The following IL12A variants were observed in gnomAD, a reference collection of about 807,000 sequenced individuals.
The protein encoded by IL12A is interleukin-12 subunit alpha.
IL12A carries 16 observed loss-of-function variants against 23.5 expected under a neutral mutation model. That is an observed-to-expected ratio of 0.68 (90% confidence interval 0.46 to 1.03). The LOEUF is 1.03. Ranked by LOEUF, IL12A falls within the 50% of genes least tolerant of loss-of-function variation. The probability of loss-of-function intolerance (pLI) is 0.00; values close to 1 mark genes in which losing one functional copy is unlikely to be tolerated. For missense variants in IL12A, 275 were observed against 307.0 expected, an observed-to-expected ratio of 0.90 and a Z score of 0.78; for synonymous variants, 106 against 111.5, an observed-to-expected ratio of 0.95 and a Z score of 0.31.
At chr3:159,992,604 A>T (rs1158969463) in intron 2 of IL12A, among the ~76,000 whole-genome samples, 1 of 152,190 alleles carries the variant, frequency 6.6e-6, no homozygotes, top group Non-Finnish European at 1.5e-5. Flanking sequence ...TATCCATCAG[A>T]CTGTGACCTT....
Position 159,993,462 on chromosome 3 carries a change from C to T in IL12A, c.390C>T (p.Cys130=), listed in dbSNP as rs139950534. ...TTTTTTCCCTCTAGAATGAGAGTTG[C>T]CTAAATTCCAGAGAGACCTCTTTCA... Residue 130 remains cysteine, a synonymous_variant, in exon 4 of 7, where the codon TGC becomes TGT. Coordinates refer to ENST00000305579, the MANE Select transcript of IL12A (RefSeq NM_000882.4). The T allele has an allele frequency of 3.7e-6, 6 of 1,611,716 alleles. No homozygotes were observed. The highest frequency in any genetic ancestry group is 1.3e-5 in the African/African-American group (1 of 74,814).
In IL12A at chr3:159,989,345, T is replaced by C. The variant is rs1275640747; in HGVS notation, c.118+171T>C. On this transcript the variant is annotated intron_variant, in intron 1 of 6. Coordinates refer to ENST00000305579, the MANE Select transcript of IL12A (RefSeq NM_000882.4). Reference sequence around the variant, plus strand: ...CTCACCGTGTGCTAAATAGGGCATGTCTCTTTTCATCTCGAAACAGCCTGA... The same window carrying C: ...CTCACCGTGTGCTAAATAGGGCATGCCTCTTTTCATCTCGAAACAGCCTGA... 6.7e-6 allele frequency: 4 copies of C among 600,408 alleles called. No homozygotes were observed. The Admixed American group carries it at 1.2e-4, about 19-fold the overall frequency. The allele number at this position is 600,408 out of a possible 1,614,324, so 37.2% of individuals were successfully genotyped here. A position where few individuals can be genotyped will look rare whatever the true frequency, so the allele number is the denominator to read the frequency against.
In IL12A at chr3:159,989,134, T is replaced by G. The variant is rs144529637; in HGVS notation, c.78T>G (p.Pro26=). The G allele has an allele frequency of 3.3e-4, 532 of 1,611,856 alleles. 1 individual carries two copies. The highest frequency in any genetic ancestry group is 4.1e-4 in the Non-Finnish European group (482 of 1,179,552). ...CAGGTCTGCATCCAGCGGCTCGCCC[T>G]GTGTCCCTGCAGTGCCGGCTCAGCA... Residue 26 remains proline, a synonymous_variant, in exon 1 of 7, where the codon CCT becomes CCG. Transcript: ENST00000305579.
Position 159,993,589 on chromosome 3 carries a change from A to C in IL12A, c.442A>C (p.Arg148=). The C allele has an allele frequency of 8.7e-6, 14 of 1,614,174 alleles. No individual in the cohort carries two copies. The highest frequency in any genetic ancestry group is 1.2e-5 in the Non-Finnish European group (14 of 1,180,012). ...CTAGAATGGGAGTTGCCTGGCCTCC[A>C]GAAAGACCTCTTTTATGATGGTAAG... is the stretch of plus-strand genomic sequence containing the variant. Residue 148 remains arginine, a synonymous_variant, in exon 5 of 7, where the codon AGA becomes CGA. Coordinates refer to ENST00000305579, the MANE Select transcript of IL12A (RefSeq NM_000882.4).
intron 6 of IL12A, 149 bp from the exon 7 acceptor site, chr3:159,995,255 G>A: frequency 2.1e-6 from 1 of 482,084 alleles, no homozygotes; most frequent in East Asian, 3.3e-5. Context: ...CTGGTGATCT[G>A]GCTGAGAGTA....
At chr3:159,991,303 T>C (rs1299034988) in intron 2 of IL12A, among the ~76,000 whole-genome samples, 1 of 152,254 alleles carries the variant, frequency 6.6e-6, no homozygotes, top group Non-Finnish European at 1.5e-5. Context: ...TAATGTTTTG[T>C]ACATCATTTG....
chr3:159,993,274 A>ATT, intron 3 of IL12A, 149 bp downstream of exon 3: 1 of 730,046 alleles, frequency 1.4e-6, no homozygotes, highest in Non-Finnish European at 2.2e-6. Context: ...GAGAAAAATT[A>ATT]TTTTTAAAAA....
intron 2 of IL12A, among the ~76,000 whole-genome samples, chr3:159,991,627 T>A (rs1412591259): frequency 6.6e-6 from 1 of 152,210 alleles, no homozygotes; most frequent in Non-Finnish European, 1.5e-5. Context: ...GTAGTGGGTT[T>A]AAATGACACA....
At chr3:159,993,984 G>A (rs1215682331) in intron 6 of IL12A, 140 bp downstream of exon 6, 11 of 808,346 alleles carry the variant, frequency 1.4e-5, no homozygotes, top group Non-Finnish European at 2.0e-5. Context: ...AGACAGCCTT[G>A]AGGGTGCCGT....
Position 159,989,250 on chromosome 3 carries a change from C to T in IL12A, c.118+76C>T. 4 of 1,142,386 alleles carry T rather than the reference C, an allele frequency of 3.5e-6. No individual in the cohort carries two copies. In the South Asian group the frequency reaches 5.1e-5, roughly 15 times the overall value. 70.8% of individuals were successfully genotyped at this position (1,142,386 alleles called of 1,614,324 possible). A position where few individuals can be genotyped will look rare whatever the true frequency, so the allele number is the denominator to read the frequency against. On this transcript the variant is annotated intron_variant, in intron 1 of 6. Coordinates refer to ENST00000305579, the MANE Select transcript of IL12A (RefSeq NM_000882.4). Reference sequence around the variant, plus strand: ...GCTGCTTGGGAAGAGTGGGTAGAAACTCAAGTCTGCCTAAGGAGAGACTGG... The same window carrying T: ...GCTGCTTGGGAAGAGTGGGTAGAAATTCAAGTCTGCCTAAGGAGAGACTGG...
At chr3:159,992,483 T>A (rs533212916) in intron 2 of IL12A, among the ~76,000 whole-genome samples, 1 of 152,286 alleles carries the variant, frequency 6.6e-6, no homozygotes, top group African/African-American at 2.4e-5. Context: ...ATTTCATAAT[T>A]TTACCCAACG....
chr3:159,995,441 C>T lies in IL12A; in HGVS notation c.644C>T (p.Ser215Phe). The T allele has an allele frequency of 6.2e-7, 1 of 1,607,634 alleles. No homozygotes were observed. Among genetic ancestry groups the T allele is most frequent in the Non-Finnish European group, 8.5e-7 (1 of 1,177,502 alleles). The stretch of plus-strand genomic sequence containing the variant: ...AACAGTGAGACTGTGCCACAAAAAT[C>T]CTCCCTTGAAGAACCGGATTTTTAT... The change falls in exon 7 of 7, where the codon TCC becomes TTC. Residue 215 changes from serine (S) to phenylalanine (F), a missense_variant. Transcript: ENST00000305579.
At chr3:159,995,365 GA>G in intron 6 of IL12A, 38 bp from the exon 7 acceptor site, 1 of 1,478,346 alleles carries the variant, frequency 6.8e-7, no homozygotes, top group Non-Finnish European at 9.1e-7. Context: ...TTGAATTTTG[GA>G]ATACCATGTA....
chr3:159,990,390 C>G (rs1425126380), intron 2 of IL12A, 78 bp downstream of exon 2: 10 of 1,403,014 alleles, frequency 7.1e-6, no homozygotes, highest in Non-Finnish European at 9.9e-6. Flanking sequence ...CCTCTGGTAC[C>G]TGATGGAACT....
intron 2 of IL12A, among the ~76,000 whole-genome samples, chr3:159,990,978 C>G (rs1045223990): frequency 6.6e-6 from 1 of 152,178 alleles, no homozygotes; most frequent in Non-Finnish European, 1.5e-5. Flanking sequence ...CCTTTCTGCT[C>G]TCTAGGAATT....
rs1425337796 is a variant in IL12A, at chr3:159,995,834, A to G, written c.*275A>G. 4.4e-6 allele frequency: 1 copy of G among 226,838 alleles called. No homozygotes were observed. Among genetic ancestry groups the G allele is most frequent in the African/African-American group, 2.3e-5 (1 of 44,254 alleles). 14.1% of individuals were successfully genotyped at this position (226,838 alleles called of 1,614,324 possible). ...ATATTTATAAGCTATTTCTGTACCA[A>G]AGTGTTTGTGGAAACAAACATGTAA... On this transcript the variant is annotated 3_prime_UTR_variant, in exon 7 of 7. Transcript: ENST00000305579.
In IL12A at chr3:159,995,565, G is replaced by A. The variant is rs201969708; in HGVS notation, c.*6G>A. 1.4e-4 allele frequency: 228 copies of A among 1,578,200 alleles called. 1 individual carries two copies. The highest frequency in any genetic ancestry group is 9.2e-4 in the African/African-American group (67 of 73,000). On this transcript the variant is annotated 3_prime_UTR_variant, in exon 7 of 7. Transcript: ENST00000305579. ...GCTATCTGAATGCTTCCTAAAAAGCGAGGTCCCTCCAAACCGTTGTCATTT... is the reference window on the plus strand; with the variant it reads ...GCTATCTGAATGCTTCCTAAAAAGCAAGGTCCCTCCAAACCGTTGTCATTT...
intron 2 of IL12A, 113 bp downstream of exon 2, chr3:159,990,425 A>G (rs1720262449): frequency 1.8e-6 from 2 of 1,103,136 alleles, no homozygotes; most frequent in Admixed American, 4.7e-5. Context: ...GAAGTTCATT[A>G]GCAGCTGTCA....
intron 1 of IL12A, among the ~76,000 whole-genome samples, chr3:159,989,461 A>C (rs1720224350): frequency 6.6e-6 from 1 of 152,148 alleles, no homozygotes; most frequent in African/African-American, 2.4e-5. Flanking sequence ...CTCAGCTACA[A>C]ACAGAAGGCA....
Sources: allele counts gnomAD v4.1 joint callset (sites outside exome capture counted in the v4.1 genomes callset), GRCh38; gene constraint gnomAD v4.1.1; transcripts MANE v1.5; gene names NCBI Gene and HGNC (gene_info 2026-07-23, HGNC 2026-07-21).